The following BRWD3 variants were observed in gnomAD, a reference collection of about 807,000 sequenced individuals.
BRWD3 encodes the protein bromodomain and WD repeat domain containing 3.
A neutral mutation model predicts 149.7 loss-of-function variants in BRWD3; 10 were observed. The ratio of observed to expected loss-of-function variants is 0.07; its 90% CI spans 0.04 to 0.11. BRWD3 has a LOEUF of 0.11. BRWD3 is among the 10% of genes least tolerant of loss of function. The pLI is 1.00. For synonymous variants in BRWD3, 504 were observed against 456.7 expected, an observed-to-expected ratio of 1.10 and a Z score of -1.32; for missense variants, 940 against 1,373.2, an observed-to-expected ratio of 0.68 and a Z score of 4.99.
intron 1 of BRWD3, 66 bp downstream of exon 1, chrX:80,809,375 C>T (rs2074385540): frequency 8.8e-7 from 1 of 1,141,750 alleles, no homozygotes; most frequent in Admixed American, 2.6e-5. Flanking sequence ...TCAAAAGAAA[C>T]TGACAGCCTT....
At position 80,733,512 on chromosome X, in the gene BRWD3, G is replaced by C. The variant is rs1282563624; in HGVS notation, c.1087-16C>G. 3 of 1,173,188 alleles carry C rather than the reference G, an allele frequency of 2.6e-6. No individual in the cohort carries two copies. The highest frequency in any genetic ancestry group is 3.5e-6 in the Non-Finnish European group (3 of 865,429). On this transcript the variant is annotated splice_polypyrimidine_tract_variant and intron_variant, in intron 11 of 40. Transcript: ENST00000373275. ...CAACTTTATCCTAAGACATGAAACA[G>C]ATTTTTCGTTAAAATGGACTTATTT... is the stretch of plus-strand genomic sequence containing the variant.
At chrX:80,727,266 C>T (rs2073265062) in intron 14 of BRWD3, among the ~76,000 whole-genome samples, 1 of 111,392 alleles carries the variant, frequency 9.0e-6, no homozygotes, top group African/African-American at 3.3e-5. Flanking sequence ...ATTCCCTCTT[C>T]TGTGACCAGA....
At position 80,709,564 on chromosome X, in the gene BRWD3, G is replaced by A. The variant is rs759662872; in HGVS notation, c.2339C>T (p.Pro780Leu). The A allele has an allele frequency of 1.7e-6, 2 of 1,209,252 alleles. No homozygotes were observed. Among genetic ancestry groups the A allele is most frequent in the Non-Finnish European group, 2.2e-6 (2 of 894,027 alleles). Residue 780 changes from proline (P) to leucine (L), a missense_variant, in exon 21 of 41, where the codon CCT (proline) becomes CTT (leucine). This residue lies in a region of BRWD3 where 103 missense variants were observed against 103.2 expected (regional missense o/e 1.00). Transcript: ENST00000373275. ...CCTGCGTAAAGAACGCCCACAGCTA[G>A]GCTCATAATCATTCTGTAAAAGAGA... ...SYTTQRNDYEPSCGRSLRRTQ... is the reference protein window; with the variant it reads ...SYTTQRNDYELSCGRSLRRTQ...
chrX:80,704,517 T>A (rs1464216097), intron 23 of BRWD3, among the ~76,000 whole-genome samples, 161 bp downstream of exon 23: 4 of 112,236 alleles, frequency 3.6e-5, no homozygotes, highest in Non-Finnish European at 7.5e-5. Flanking sequence ...AACAGAAAAA[T>A]TTCAAAAATT....
rs761383038 is a variant in BRWD3, at chrX:80,722,616, G to A, written c.1822C>T (p.Arg608Trp). The change falls in exon 17 of 41, where the codon CGG becomes TGG. Residue 608 changes from arginine (R) to tryptophan (W), a missense_variant. Physicochemically the swap from Arg to Trp is moderately radical, Grantham distance 101. Transcript: ENST00000373275. Reference sequence around the variant, plus strand: ...AGCTGTTCATCTTTACAATTTTCCCGTCCTGGTACCAACCGTTGGAATTTT... The same window carrying A: ...AGCTGTTCATCTTTACAATTTTCCCATCCTGGTACCAACCGTTGGAATTTT... Reference protein sequence around the residue: ...PTKFQRLVPGRENCKDEQLIP... With the variant: ...PTKFQRLVPGWENCKDEQLIP... 3 of 1,209,490 alleles carry A rather than the reference G, an allele frequency of 2.5e-6. No homozygotes were observed. The highest frequency in any genetic ancestry group is 2.2e-5 in the Admixed American group (1 of 45,668).
At position 80,712,297 on chromosome X, in the gene BRWD3, C is replaced by T. The variant is rs1043292317; in HGVS notation, c.2326-2720G>A. 1.4e-4 allele frequency among the ~76,000 whole-genome samples: 16 copies of T among 110,390 alleles called. No homozygotes were observed. The East Asian group carries it at 2.3e-3, about 16-fold the overall frequency. On this transcript the variant is annotated intron_variant, in intron 20 of 40. Transcript: ENST00000373275. ...CCGAGTGCCTGTGATTGCAGGCACGCGCCGCCACACCTGACTGGTTTTCGT... is the reference window on the plus strand; with the variant it reads ...CCGAGTGCCTGTGATTGCAGGCACGTGCCGCCACACCTGACTGGTTTTCGT...
In BRWD3 at chrX:80,676,621, T is replaced by C; in HGVS notation, c.5397A>G (p.Gly1799=). ...TEKARVSHLM[G]WNY ...AATTTATTAACTGTTAATAATTCCA[T>C]CCCATGAGATGGCTAACCCTGGCTT... The change falls in exon 41 of 41, where the codon GGA becomes GGG. Residue 1799 remains glycine (G), a synonymous_variant. Transcript: ENST00000373275. The C allele has an allele frequency of 4.1e-6, 5 of 1,210,531 alleles. No homozygotes were observed. Among genetic ancestry groups the C allele is most frequent in the Non-Finnish European group, 5.6e-6 (5 of 894,812 alleles).
intron 14 of BRWD3, 81 bp from the exon 15 acceptor site, chrX:80,725,148 CAGTT>C (rs1169103396): frequency 1.1e-5 from 11 of 987,692 alleles, no homozygotes; most frequent in African/African-American, 1.9e-5. Flanking sequence ...AGTGTGCTAT[CAGTT>C]AGGTTCAAAT....
rs1028878049 is a variant in BRWD3 at position 80,728,840 on chromosome X, C to T, written c.1298G>A (p.Arg433His). 8.3e-7 allele frequency: 1 copy of T among 1,205,476 alleles called. No homozygotes were observed. Among genetic ancestry groups the T allele is most frequent in the Non-Finnish European group, 1.1e-6 (1 of 890,022 alleles). The part of the protein sequence containing the change: ...KLKVTMVAWD[R>H]YDTTVITAVN... ...TGCAGTAATAACTGTGGTATCATAG[C>T]GATCCCAGGCCACCATAGTCACCTT... Residue 433 changes from arginine to histidine, a missense_variant, in exon 14 of 41, where the codon CGC becomes CAC. Transcript: ENST00000373275.
At chrX:80,770,643 T>C (rs948617024) in intron 6 of BRWD3, among the ~76,000 whole-genome samples, 2 of 111,802 alleles carry the variant, frequency 1.8e-5, no homozygotes, top group Non-Finnish European at 3.8e-5. Flanking sequence ...ACAGCCAATA[T>C]CATACTGAAT....
chrX:80,798,264 T>C (rs932306176), intron 4 of BRWD3, among the ~76,000 whole-genome samples: 1 of 111,552 alleles, frequency 9.0e-6, no homozygotes, highest in Non-Finnish European at 1.9e-5. Flanking sequence ...GTTCTTAAAA[T>C]GTTTCTTCTA....
rs1427308955 is a variant in BRWD3, at chrX:80,671,904, T to G, written c.*4705A>C. The G allele has an allele frequency of 1.8e-5, 2 of 112,192 alleles. No homozygotes were observed. The highest frequency in any genetic ancestry group is 3.8e-5 in the Non-Finnish European group (2 of 53,199). 9.2% of individuals were successfully genotyped at this position (112,192 alleles called of 1,213,427 possible). A position where few individuals can be genotyped will look rare whatever the true frequency, so the allele number is the denominator to read the frequency against. ...TTACTGATTGCCATCACCACAGTAT[T>G]GTTTAAGAATTAACATTTGTAGTAC... On this transcript the variant is annotated 3_prime_UTR_variant, in exon 41 of 41. Coordinates refer to ENST00000373275, the MANE Select transcript of BRWD3 (RefSeq NM_153252.5).
rs2073269599 is a variant in BRWD3 at position 80,727,590 on chromosome X, C to T, written c.1386+1162G>A. ...CTACCATGTAGAGGCAGGGAATAAA[C>T]AAGAAAACATAACAATAAAATATCA... On this transcript the variant is annotated intron_variant, in intron 14 of 40. Transcript: ENST00000373275. 4.5e-5 allele frequency among the ~76,000 whole-genome samples: 5 copies of T among 111,038 alleles called. No homozygotes were observed. In the Admixed American group the frequency reaches 4.8e-4, roughly 11 times the overall value.
intron 33 of BRWD3, among the ~76,000 whole-genome samples, chrX:80,688,893 TATA>T (rs922642109): frequency 1.3e-4 from 14 of 110,904 alleles, no homozygotes; most frequent in Admixed American, 1.1e-3. Context: ...TTTAAGAAAC[TATA>T]ATAATATCTA....
intron 20 of BRWD3, among the ~76,000 whole-genome samples, chrX:80,714,124 T>C (rs1426116127): frequency 9.0e-6 from 1 of 110,962 alleles, no homozygotes; most frequent in African/African-American, 3.3e-5. Flanking sequence ...TCTTTTTAAG[T>C]CCGATAACAA....
At chrX:80,699,226 A>T (rs2072745899) in intron 25 of BRWD3, among the ~76,000 whole-genome samples, 1 of 111,078 alleles carries the variant, frequency 9.0e-6, no homozygotes, top group South Asian at 3.8e-4. Flanking sequence ...AAATAAATAA[A>T]AAATAAATAA....
At chrX:80,695,126 A>G (rs944883281) in intron 27 of BRWD3, among the ~76,000 whole-genome samples, 5 of 111,390 alleles carry the variant, frequency 4.5e-5, no homozygotes. Flanking sequence ...AAGGTGTGGC[A>G]CTTCCACTTC....
At chrX:80,712,613 G>C (rs1449687328) in intron 20 of BRWD3, among the ~76,000 whole-genome samples, 5 of 105,991 alleles carry the variant, frequency 4.7e-5, no homozygotes, top group Admixed American at 2.0e-4. Flanking sequence ...GCTGCCCATC[G>C]TCTGGGATGT....
intron 40 of BRWD3, among the ~76,000 whole-genome samples, chrX:80,680,777 T>C (rs1346949817): frequency 9.1e-6 from 1 of 110,196 alleles, no homozygotes; most frequent in Non-Finnish European, 1.9e-5. Flanking sequence ...GAAAGAACTC[T>C]TCATTTAGTT....
Sources: gnomAD v4.1 joint callset for allele counts (sites outside exome capture counted in the v4.1 genomes callset) on GRCh38, gnomAD v4.1.1 for gene constraint, gnomAD v4.1.1 regional missense constraint, MANE v1.5 for transcripts, NCBI Gene and HGNC (gene_info 2026-07-23, HGNC 2026-07-21) for gene names.